NXF1: variants seen among roughly 807,000 people sequenced by gnomAD.
The protein encoded by NXF1 is mRNA export factor TAP.
A neutral mutation model predicts 92.4 loss-of-function variants in NXF1; 43 were observed. The ratio of observed to expected loss-of-function variants is 0.47; its 90% CI spans 0.36 to 0.60. NXF1 has a LOEUF of 0.60. Ranked by LOEUF, NXF1 falls within the 20% of genes least tolerant of loss-of-function variation. The pLI is 0.00. For synonymous variants in NXF1, 288 were observed against 292.2 expected (o/e 0.99, Z 0.15); for missense variants, 576 against 793.0 (o/e 0.73, Z 3.29).
chr11:62,796,484 G>A lies in NXF1; in HGVS notation c.1262C>T (p.Pro421Leu), dbSNP rs2084421555. 1 of 1,614,056 alleles carries A rather than the reference G, an allele frequency of 6.2e-7. No homozygotes were observed. The highest frequency in any genetic ancestry group is 1.3e-5 in the African/African-American group (1 of 74,906). The change falls in exon 14 of 21, where the codon CCT becomes CTT. Residue 421 changes from proline (P) to leucine (L), a missense_variant. By Grantham distance (98) the Pro-to-Leu change is moderately conservative. Coordinates refer to ENST00000294172, the MANE Select transcript of NXF1 (RefSeq NM_006362.5). Reference sequence around the variant, plus strand: ...CCGGGCAGGGTTCTGAGGAATGAAAGGAATGCTCAGGGAACAGCAGGCCCC... The same window carrying A: ...CCGGGCAGGGTTCTGAGGAATGAAAAGAATGCTCAGGGAACAGCAGGCCCC... ...HDGACCSLSIPFIPQNPARSS... is the reference protein window; with the variant it reads ...HDGACCSLSILFIPQNPARSS...
chr11:62,792,201 G>A lies in NXF1; in HGVS notation c.*275C>T. 1 of 640,670 alleles carries A rather than the reference G, an allele frequency of 1.6e-6. No individual in the cohort carries two copies. 39.7% of individuals were successfully genotyped at this position (640,670 alleles called of 1,614,324 possible). On this transcript the variant is annotated 3_prime_UTR_variant, in exon 21 of 21. Transcript: ENST00000294172. ...CATCACTCTTTATATTAAAAAGTAA[G>A]GAGGTCCTGGGGTTAAGTACACAAA...
In NXF1 at chr11:62,800,358, G is replaced by C. The variant is rs779811948; in HGVS notation, c.1016+19C>G. Reference sequence around the variant, plus strand: ...GGGGGTGAAGGTCCCCAGGAGGGGAGACACAGGCTACAACTGACCTGATGT... The same window carrying C: ...GGGGGTGAAGGTCCCCAGGAGGGGACACACAGGCTACAACTGACCTGATGT... On this transcript the variant is annotated intron_variant, in intron 10 of 20. Transcript: ENST00000294172. 1 of 1,613,936 alleles carries C rather than the reference G, an allele frequency of 6.2e-7. No individual in the cohort carries two copies. The highest frequency in any genetic ancestry group is 1.1e-5 in the South Asian group (1 of 91,068).
chr11:62,795,887 C>CT lies in NXF1; in HGVS notation c.1504+13dup, dbSNP rs775402734. On this transcript the variant is annotated intron_variant, in intron 17 of 20. Coordinates refer to ENST00000294172, the MANE Select transcript of NXF1 (RefSeq NM_006362.5). Reference sequence around the variant, plus strand: ...GGGACCACGCTACAAACTCGGGACTCTAAAGATTCTTACCTTCCTTGAAGA... The same window carrying CT: ...GGGACCACGCTACAAACTCGGGACTCTTAAAGATTCTTACCTTCCTTGAAGA... The CT allele has an allele frequency of 2.9e-5, 46 of 1,612,722 alleles. No homozygotes were observed. In the East Asian group the frequency reaches 1.0e-3, roughly 35 times the overall value.
chr11:62,800,208 G>A (rs2084463398), intron 10 of NXF1, 169 bp downstream of exon 10: 1 of 1,429,530 alleles, frequency 7.0e-7, no homozygotes, highest in South Asian at 1.5e-5. Flanking sequence ...TCAGGACAAA[G>A]CTGGAAGACA....
chr11:62,793,147 C>T (rs1407338816), intron 19 of NXF1, among the ~76,000 whole-genome samples: 1 of 150,914 alleles, frequency 6.6e-6, no homozygotes, highest in African/African-American at 2.4e-5. Flanking sequence ...GGCGTGATCT[C>T]GGCTCACTGC....
At chr11:62,796,908 A>C (rs1354988739) in intron 13 of NXF1, 1 of 547,740 alleles carries the variant, frequency 1.8e-6, no homozygotes, top group Non-Finnish European at 3.3e-6. Context: ...CTGTACGAAA[A>C]ATACAAAAAT....
chr11:62,799,980 G>A (rs1037322152), intron 10 of NXF1: 2 of 1,004,062 alleles, frequency 2.0e-6, no homozygotes, highest in African/African-American at 3.5e-5. Flanking sequence ...TCCCAGGTAG[G>A]GAGGGCTTCC....
rs75592862 is a variant in NXF1, at chr11:62,805,431, G to A, written c.-75C>T. ...AAACAACCTAACTCCCAAGCGCTCA[G>A]GACCGAAGTGTCCCTACGCCGGGCG... On this transcript the variant is annotated 5_prime_UTR_variant, in exon 1 of 21. Coordinates refer to ENST00000294172, the MANE Select transcript of NXF1 (RefSeq NM_006362.5). The A allele has an allele frequency of 6.4e-4, 1,020 of 1,597,690 alleles. 6 individuals are homozygous for A. In the African/African-American group the frequency reaches 0.012, roughly 19 times the overall value.
chr11:62,801,724 T>C lies in NXF1; in HGVS notation c.639+15A>G, dbSNP rs1305011632. On this transcript the variant is annotated intron_variant, in intron 6 of 20. Coordinates refer to ENST00000294172, the MANE Select transcript of NXF1 (RefSeq NM_006362.5). ...TAAGACTGGGTTGGAAACATCTAAT[T>C]TGAGCCTGCCTCACCTTTAGCTGTT... The C allele has an allele frequency of 6.2e-7, 1 of 1,612,638 alleles. No individual in the cohort carries two copies. Among genetic ancestry groups the C allele is most frequent in the East Asian group, 2.2e-5 (1 of 44,882 alleles).
chr11:62,804,531 G>A (rs761041885), intron 1 of NXF1, among the ~76,000 whole-genome samples: 41 of 152,128 alleles, frequency 2.7e-4, no homozygotes, highest in Non-Finnish European at 5.4e-4. Flanking sequence ...TGCTCTCCAG[G>A]AAGATGACCT....
intron 3 of NXF1, 68 bp downstream of exon 3, chr11:62,803,351 T>C: frequency 7.8e-7 from 1 of 1,287,354 alleles, no homozygotes; most frequent in East Asian, 2.3e-5. Flanking sequence ...TGGAATAAAA[T>C]TAAACATCTC....
At chr11:62,802,361 A>T (rs1180102407) in intron 3 of NXF1, 101 bp from the exon 4 acceptor site, 1 of 916,352 alleles carries the variant, frequency 1.1e-6, no homozygotes, top group Non-Finnish European at 1.7e-6. Flanking sequence ...TTTAAAGACT[A>T]TCTAAAGAAA....
chr11:62,792,940 A>G (rs2084380723), intron 19 of NXF1, among the ~76,000 whole-genome samples: 1 of 152,236 alleles, frequency 6.6e-6, no homozygotes, highest in African/African-American at 2.4e-5. Context: ...TGGTAGGGAA[A>G]GATGTTCATG....
Position 62,805,042 on chromosome 11 carries a change from G to A in NXF1, c.28+287C>T, listed in dbSNP as rs923533065. On this transcript the variant is annotated intron_variant, in intron 1 of 20. Coordinates refer to ENST00000294172, the MANE Select transcript of NXF1 (RefSeq NM_006362.5). Reference sequence around the variant, plus strand: ...CTCACATTAAAGGAAGAGTCAGGCCGCCAAACCTAACTGACAGGCATCAAC... The same window carrying A: ...CTCACATTAAAGGAAGAGTCAGGCCACCAAACCTAACTGACAGGCATCAAC... 5.1e-5 allele frequency: 17 copies of A among 330,216 alleles called. No homozygotes were observed. The Admixed American group carries it at 7.0e-4, about 14-fold the overall frequency. The allele number at this position is 330,216 out of a possible 1,614,324, so 20.5% of individuals were successfully genotyped here.
chr11:62,798,340 A>C (rs954103219), intron 11 of NXF1, among the ~76,000 whole-genome samples, 199 bp downstream of exon 11: 22 of 152,022 alleles, frequency 1.4e-4, no homozygotes, highest in African/African-American at 5.1e-4. Flanking sequence ...AGGCTGAGGC[A>C]GGAGAATCGC....
chr11:62,792,609 A>G (rs1417178161), intron 20 of NXF1, 32 bp downstream of exon 20: 10 of 1,613,836 alleles, frequency 6.2e-6, no homozygotes, highest in Non-Finnish European at 8.5e-6. Flanking sequence ...CAGAGATCCT[A>G]GTCTTTTTGC....
rs1391635866 is a variant in NXF1, at chr11:62,798,530, T to A, written c.1053+9A>T. The A allele has an allele frequency of 1.2e-6, 2 of 1,614,062 alleles. No homozygotes were observed. The highest frequency in any genetic ancestry group is 1.7e-6 in the Non-Finnish European group (2 of 1,179,980). Reference sequence around the variant, plus strand: ...TGTGCTTGTTAGAATGAAAAAATTATGGACTTACCAGGCGTAGTAACTTGG... The same window carrying A: ...TGTGCTTGTTAGAATGAAAAAATTAAGGACTTACCAGGCGTAGTAACTTGG... On this transcript the variant is annotated intron_variant, in intron 11 of 20. Transcript: ENST00000294172.
In NXF1 at chr11:62,796,074, C is replaced by T. The variant is rs2084417299; in HGVS notation, c.1453G>A (p.Ala485Thr). The T allele has an allele frequency of 4.4e-6, 7 of 1,607,854 alleles. No individual in the cohort carries two copies. The highest frequency in any genetic ancestry group is 1.1e-5 in the South Asian group (1 of 90,958). Residue 485 changes from alanine (A) to threonine (T), a missense_variant, in exon 16 of 21, where the codon GCC (alanine) becomes ACC (threonine). This residue lies in a region of NXF1 where 425 missense variants were observed against 635.2 expected (regional missense o/e 0.67). Coordinates refer to ENST00000294172, the MANE Select transcript of NXF1 (RefSeq NM_006362.5). ...CGCAAGCAGGAGCTTACTGTCTGGG[C>T]GCTTATGTCTACCACGAAGGAATTG... is the stretch of plus-strand genomic sequence containing the variant. ...DVNSFVVDISAQTSTLLCFSV... is the reference protein window; with the variant it reads ...DVNSFVVDISTQTSTLLCFSV...
In NXF1 at chr11:62,794,250, G is replaced by T; in HGVS notation, c.1760+8C>A. On this transcript the variant is annotated splice_region_variant and intron_variant, in intron 19 of 20. Coordinates refer to ENST00000294172, the MANE Select transcript of NXF1 (RefSeq NM_006362.5). Reference sequence around the variant, plus strand: ...TGCATCCCCATCCTACACATGCCCCGCACTCACTTCTGGGACCACTCGAGG... The same window carrying T: ...TGCATCCCCATCCTACACATGCCCCTCACTCACTTCTGGGACCACTCGAGG... The T allele has an allele frequency of 6.2e-7, 1 of 1,608,346 alleles. No homozygotes were observed. Among genetic ancestry groups the T allele is most frequent in the Non-Finnish European group, 8.5e-7 (1 of 1,175,348 alleles).
Sources: gnomAD v4.1 joint callset for allele counts (sites outside exome capture counted in the v4.1 genomes callset) on GRCh38, gnomAD v4.1.1 for gene constraint, gnomAD v4.1.1 regional missense constraint, MANE v1.5 for transcripts, NCBI Gene and HGNC (gene_info 2026-07-23, HGNC 2026-07-21) for gene names.